DEGS2: variants seen among roughly 807,000 people sequenced by gnomAD.
The protein encoded by DEGS2 is sphingolipid delta(4)-desaturase/C4-monooxygenase DES2.
Under a neutral mutation model 23.8 loss-of-function variants are expected in DEGS2, and 19 were observed. That is an observed-to-expected ratio of 0.80 (90% confidence interval 0.56 to 1.17). DEGS2 has a LOEUF of 1.17. Among genes scored for constraint, DEGS2 ranks in the 50% most tolerant of loss-of-function variants. The probability of loss-of-function intolerance (pLI) is 0.00; values close to 1 mark genes in which losing one functional copy is unlikely to be tolerated. For synonymous variants in DEGS2, 218 were observed against 213.7 expected, an observed-to-expected ratio of 1.02 and a Z score of -0.18; for missense variants, 390 against 459.5, an observed-to-expected ratio of 0.85 and a Z score of 1.38.
rs1889517147 is a variant in DEGS2 at position 100,149,274 on chromosome 14, C to A, written c.519G>T (p.Arg173=). The A allele has an allele frequency of 6.2e-7, 1 of 1,612,822 alleles. No individual in the cohort carries two copies. Among genetic ancestry groups the A allele is most frequent in the Non-Finnish European group, 8.5e-7 (1 of 1,179,900 alleles). The change falls in exon 2 of 3, where the codon CGG becomes CGT. Residue 173 remains arginine, a synonymous_variant. Transcript: ENST00000305631. ...LVLQPFFYSL[R]PLCVHPKAVT... Reference sequence around the variant, plus strand: ...CGGCCTTGGGGTGGACGCAGAGCGGCCGTAGTGAGTAGAAGAAGGGCTGCA... The same window carrying A: ...CGGCCTTGGGGTGGACGCAGAGCGGACGTAGTGAGTAGAAGAAGGGCTGCA...
chr14:100,156,896 G>A (rs536128659), intron 1 of DEGS2, among the ~76,000 whole-genome samples: 90 of 152,352 alleles, frequency 5.9e-4, no homozygotes, highest in Non-Finnish European at 9.3e-4. Flanking sequence ...AACAACAGGT[G>A]GAAAGGAAGC....
At position 100,146,714 on chromosome 14, in the gene DEGS2, G is replaced by A; in HGVS notation, c.*47C>T. 1 of 1,602,754 alleles carries A rather than the reference G, an allele frequency of 6.2e-7. No individual in the cohort carries two copies. The highest frequency in any genetic ancestry group is 8.5e-7 in the Non-Finnish European group (1 of 1,174,520). On this transcript the variant is annotated 3_prime_UTR_variant, in exon 3 of 3. Coordinates refer to ENST00000305631, the MANE Select transcript of DEGS2 (RefSeq NM_206918.3). ...CTTCTCAGTGCTGGGGTGCAAGGCT[G>A]AGGGGCCGATGGGGGACAATGGCCA...
intron 1 of DEGS2, among the ~76,000 whole-genome samples, chr14:100,150,385 A>AACCCCCCC (rs1889548936): frequency 1.3e-5 from 1 of 76,556 alleles, no homozygotes; most frequent in Non-Finnish European, 2.8e-5. Flanking sequence ...TCCCACCCCA[A>AACCCCCCC]CACCCCCCCC....
chr14:100,151,207 T>A lies in DEGS2; in HGVS notation c.83-1497A>T, dbSNP rs1889566230. Among the ~76,000 whole-genome samples the A allele has an allele frequency of 3.9e-5, 6 of 152,364 alleles. 1 individual carries two copies. The South Asian group carries it at 1.2e-3, about 32-fold the overall frequency. On this transcript the variant is annotated intron_variant, in intron 1 of 2. Coordinates refer to ENST00000305631, the MANE Select transcript of DEGS2 (RefSeq NM_206918.3). ...CTGTGGAGTGGCCAGCACATTAGTCTGAGCCCTGGGGGTGCCAGCACTCAG... is the reference window on the plus strand; with the variant it reads ...CTGTGGAGTGGCCAGCACATTAGTCAGAGCCCTGGGGGTGCCAGCACTCAG...
chr14:100,159,565 C>CAGACCCACTCGAAGTCGT lies in DEGS2; in HGVS notation c.22_23insACGACTTCGAGTGGGTCT (p.Ser8delinsAsnAspPheGluTrpValCys). 9 of 1,500,618 alleles carry CAGACCCACTCGAAGTCGT rather than the reference C, an allele frequency of 6.0e-6. No homozygotes were observed. Among genetic ancestry groups the CAGACCCACTCGAAGTCGT allele is most frequent in the Non-Finnish European group, 8.0e-6 (9 of 1,125,914 alleles). 93.0% of individuals were successfully genotyped at this position (1,500,618 alleles called of 1,614,324 possible). A position where few individuals can be genotyped will look rare whatever the true frequency, so the allele number is the denominator to read the frequency against. The stretch of plus-strand genomic sequence containing the variant: ...GTCGGTGTAGACCCACTCGAAGTCG[C>CAGACCCACTCGAAGTCGT]TGCGGCTCGCGCTGTTGCCCATGGT... On this transcript the variant is annotated protein_altering_variant, in exon 1 of 3. Transcript: ENST00000305631.
Position 100,149,126 on chromosome 14 carries a change from G to C in DEGS2, c.667C>G (p.His223Asp). The C allele has an allele frequency of 6.2e-7, 1 of 1,613,016 alleles. No homozygotes were observed. Among genetic ancestry groups the C allele is most frequent in the Non-Finnish European group, 8.5e-7 (1 of 1,180,004 alleles). ...GCCACGAAGTGGCCCGAGATGGGGT[G>C]CAGGCCCAGGCCCAGGAAGGAGCTG... ...LASSFLGLGL[H>D]PISGHFVAEH... Residue 223 changes from histidine to aspartate, a missense_variant, in exon 2 of 3, where the codon CAC becomes GAC. Physicochemically the swap from His to Asp is moderately conservative, Grantham distance 81. Transcript: ENST00000305631.
chr14:100,165,894 C>A, the DEGS2 span, among the ~76,000 whole-genome samples: 2 of 117,290 alleles, frequency 1.7e-5, no homozygotes, highest in Non-Finnish European at 3.6e-5. Flanking sequence ...GGCTGCGGGG[C>A]GAAGGAGGCC....
At position 100,152,503 on chromosome 14, in the gene DEGS2, G is replaced by A. The variant is rs368426418; in HGVS notation, c.83-2793C>T. Among the ~76,000 whole-genome samples, 14 of 152,140 alleles carry A rather than the reference G, an allele frequency of 9.2e-5. No individual in the cohort carries two copies. The South Asian group carries it at 1.0e-3, about 11-fold the overall frequency. On this transcript the variant is annotated intron_variant, in intron 1 of 2. Coordinates refer to ENST00000305631, the MANE Select transcript of DEGS2 (RefSeq NM_206918.3). ...GCACCATCCAATCAGCTAGGGCCCC[G>A]ATAGAACAAAAAGGCAGAGACAAGG...
Position 100,145,662 on chromosome 14 carries a change from CCT to C in DEGS2, c.*1097_*1098del, listed in dbSNP as rs1430866008. ...TGGATTGCAGTGGGCCCGCTCCATC[CCT>C]CTCTGGCAGGGAGGGCCTCCTCGCT... On this transcript the variant is annotated 3_prime_UTR_variant, in exon 3 of 3. Coordinates refer to ENST00000305631, the MANE Select transcript of DEGS2 (RefSeq NM_206918.3). The C allele has an allele frequency of 6.7e-6, 1 of 148,770 alleles. No individual in the cohort carries two copies. The highest frequency in any genetic ancestry group is 2.6e-5 in the African/African-American group (1 of 39,028). 9.2% of individuals were successfully genotyped at this position (148,770 alleles called of 1,614,324 possible). A position where few individuals can be genotyped will look rare whatever the true frequency, so the allele number is the denominator to read the frequency against.
At chr14:100,166,275 TCTGGGGGAGTGGGGGGA>T in the DEGS2 span, among the ~76,000 whole-genome samples, 1 of 42,298 alleles carries the variant, frequency 2.4e-5, no homozygotes, top group Admixed American at 2.8e-4. Context: ...GGGGAGCCTG[TCTGGGGGAGTGGGGGGA>T]GCCTGCCCGG....
intron 2 of DEGS2, 67 bp from the exon 3 acceptor site, chr14:100,146,974 A>T: frequency 6.4e-7 from 1 of 1,559,318 alleles, no homozygotes. Context: ...GCACACACGC[A>T]GACACCTGAG....
At chr14:100,148,696 C>G (rs1191692129) in intron 2 of DEGS2, among the ~76,000 whole-genome samples, 1 of 152,230 alleles carries the variant, frequency 6.6e-6, no homozygotes, top group Non-Finnish European at 1.5e-5. Flanking sequence ...AGGAAGACAC[C>G]CTGTCAGTAT....
chr14:100,146,508 T>C lies in DEGS2; in HGVS notation c.*253A>G. 1 of 491,524 alleles carries C rather than the reference T, an allele frequency of 2.0e-6. No individual in the cohort carries two copies. Among genetic ancestry groups the C allele is most frequent in the Non-Finnish European group, 3.6e-6 (1 of 279,428 alleles). The allele number at this position is 491,524 out of a possible 1,614,324, so 30.4% of individuals were successfully genotyped here. A position where few individuals can be genotyped will look rare whatever the true frequency, so the allele number is the denominator to read the frequency against. ...CCGTGGGCTCAGAGCACCCAGGTCA[T>C]GGTGGGGCAGGGCCAGGCCTCACCT... On this transcript the variant is annotated 3_prime_UTR_variant, in exon 3 of 3. Coordinates refer to ENST00000305631, the MANE Select transcript of DEGS2 (RefSeq NM_206918.3).
chr14:100,151,530 G>A (rs1169262955), intron 1 of DEGS2, among the ~76,000 whole-genome samples: 1 of 152,220 alleles, frequency 6.6e-6, no homozygotes, highest in African/African-American at 2.4e-5. Context: ...CCAAGGAGCT[G>A]AACGAGCAGA....
In DEGS2 at chr14:100,146,685, G is replaced by T. The variant is rs888623284; in HGVS notation, c.*76C>A. 1 of 1,556,848 alleles carries T rather than the reference G, an allele frequency of 6.4e-7. No homozygotes were observed. Among genetic ancestry groups the T allele is most frequent in the Admixed American group, 1.9e-5 (1 of 53,824 alleles). On this transcript the variant is annotated 3_prime_UTR_variant, in exon 3 of 3. Transcript: ENST00000305631. ...GCAGTCCAGAGCACAGGAAGGAAAT[G>T]TAGCTTCTCAGTGCTGGGGTGCAAG... is the stretch of plus-strand genomic sequence containing the variant.
rs1889447821 is a variant in DEGS2 at position 100,146,555 on chromosome 14, G to A, written c.*206C>T. 1.5e-6 allele frequency: 1 copy of A among 658,642 alleles called. No individual in the cohort carries two copies. Among genetic ancestry groups the A allele is most frequent in the East Asian group, 3.1e-5 (1 of 32,446 alleles). The allele number at this position is 658,642 out of a possible 1,614,324, so 40.8% of individuals were successfully genotyped here. On this transcript the variant is annotated 3_prime_UTR_variant, in exon 3 of 3. Coordinates refer to ENST00000305631, the MANE Select transcript of DEGS2 (RefSeq NM_206918.3). ...ACCTGGGGAGGCCCAGAAAGGGAGG[G>A]CCACACTCAAGGTCCAGGGCAAGTC...
intron 2 of DEGS2, 126 bp from the exon 3 acceptor site, chr14:100,147,033 G>A (rs147156136): frequency 1.9e-4 from 208 of 1,118,454 alleles, no homozygotes; most frequent in East Asian, 9.8e-4. Context: ...ACATGTTTGC[G>A]CGCGCGCACA....
intron 1 of DEGS2, among the ~76,000 whole-genome samples, chr14:100,158,738 C>T (rs1414601405): frequency 1.3e-5 from 2 of 152,154 alleles, no homozygotes; most frequent in African/African-American, 4.8e-5. Context: ...TGGCATCTGG[C>T]AAAAGCCACT....
chr14:100,146,640 ACTC>A lies in DEGS2; in HGVS notation c.*118_*120del. ...GTTGCCAGGTGTGGCTGCGCGGGAC[ACTC>A]CTCGGGGACAAGGGCAGCAGTCCAG... On this transcript the variant is annotated 3_prime_UTR_variant, in exon 3 of 3. Coordinates refer to ENST00000305631, the MANE Select transcript of DEGS2 (RefSeq NM_206918.3). 7.1e-7 allele frequency: 1 copy of A among 1,416,292 alleles called. No homozygotes were observed. The highest frequency in any genetic ancestry group is 9.5e-7 in the Non-Finnish European group (1 of 1,050,904). 87.7% of individuals were successfully genotyped at this position (1,416,292 alleles called of 1,614,324 possible).
Sources: allele counts gnomAD v4.1 joint callset (sites outside exome capture counted in the v4.1 genomes callset), GRCh38; gene constraint gnomAD v4.1.1; transcripts MANE v1.5; gene names NCBI Gene and HGNC (gene_info 2026-07-23, HGNC 2026-07-21).